The following ACYP2 variants were observed in gnomAD, a reference collection of about 807,000 sequenced individuals.
ACYP2 encodes the protein acylphosphatase-2.
A neutral mutation model predicts 11.2 loss-of-function variants in ACYP2; 12 were observed. That is an observed-to-expected ratio of 1.08 (90% CI 0.69 to 1.74). The LOEUF (loss-of-function observed/expected upper bound fraction) is 1.74, where lower values mean the gene tolerates loss of function less well. Ranked by LOEUF, ACYP2 falls within the 40% of genes most tolerant of loss-of-function variation. ACYP2 has a pLI of 0.00. For missense variants in ACYP2, 134 were observed against 101.9 expected, an observed-to-expected ratio of 1.31 and a Z score of -1.35; for synonymous variants, 43 against 32.2, an observed-to-expected ratio of 1.33 and a Z score of -1.13.
chr2:54,102,651 A>G (rs983719831), intron 4 of ACYP2, among the ~76,000 whole-genome samples: 2 of 74,374 alleles, frequency 2.7e-5, no homozygotes, highest in African/African-American at 3.5e-5. Flanking sequence ...AAAAAAAAAA[A>G]AAAAAAAAAA....
intron 6 of ACYP2, among the ~76,000 whole-genome samples, chr2:54,164,320 G>T (rs1046016786): frequency 1.3e-5 from 2 of 152,158 alleles, no homozygotes; most frequent in African/African-American, 2.4e-5. Flanking sequence ...GGATTTAACT[G>T]CCAGGCTTTT....
chr2:54,049,704 A>T (rs1675729514), intron 2 of ACYP2, among the ~76,000 whole-genome samples: 1 of 151,940 alleles, frequency 6.6e-6, no homozygotes, highest in Admixed American at 6.6e-5. Context: ...TTCAACCAGT[A>T]TTTTTTTTAA....
At chr2:53,972,133 C>A (rs1436224923) in intron 1 of ACYP2, among the ~76,000 whole-genome samples, 1 of 151,064 alleles carries the variant, frequency 6.6e-6, no homozygotes, top group Non-Finnish European at 1.5e-5. Context: ...CATGGTGAAA[C>A]CCCGTCTCTA....
chr2:54,038,607 C>T (rs1675036326), intron 2 of ACYP2, among the ~76,000 whole-genome samples: 2 of 137,980 alleles, frequency 1.4e-5, no homozygotes, highest in African/African-American at 5.4e-5. Flanking sequence ...TCTGTTTCAC[C>T]AGAACCTAAA....
At chr2:54,052,091 A>G (rs1319634067) in intron 3 of ACYP2, among the ~76,000 whole-genome samples, 1 of 148,256 alleles carries the variant, frequency 6.7e-6, no homozygotes, top group Non-Finnish European at 1.5e-5. Context: ...TAGAGGGAAG[A>G]GGAGGAAGAT....
intron 6 of ACYP2, among the ~76,000 whole-genome samples, chr2:54,145,582 TCAGACA>T (rs1681843256): frequency 6.6e-6 from 1 of 152,204 alleles, no homozygotes; most frequent in African/African-American, 2.4e-5. Flanking sequence ...CAGTATGCTT[TCAGACA>T]TTCTTGTTTC....
At chr2:54,084,663 C>T (rs1281022606) in intron 4 of ACYP2, 2 of 152,216 alleles carry the variant, frequency 1.3e-5, no homozygotes, top group African/African-American at 4.8e-5. Context: ...GTAAAAATCA[C>T]ATTCACAACC....
At chr2:54,253,413 C>T (rs1029219256) in intron 6 of ACYP2, 1 of 152,096 alleles carries the variant, frequency 6.6e-6, no homozygotes, top group African/African-American at 2.4e-5. Flanking sequence ...GCTGAATCTT[C>T]CCAGTAAACA....
chr2:54,255,006 C>T (rs779029567), intron 6 of ACYP2: 18 of 1,614,108 alleles, frequency 1.1e-5, no homozygotes, highest in Non-Finnish European at 1.5e-5. Context: ...CTTCACCCAA[C>T]AGGTAGTACT....
At chr2:53,979,562 G>A (rs1019190757) in intron 2 of ACYP2, among the ~76,000 whole-genome samples, 4 of 151,502 alleles carry the variant, frequency 2.6e-5, no homozygotes, top group Admixed American at 1.3e-4. Context: ...GGGAGGTGGA[G>A]GTTGCAGTGA....
intron 4 of ACYP2, among the ~76,000 whole-genome samples, chr2:54,101,431 G>C (rs1206269681): frequency 1.3e-5 from 2 of 152,090 alleles, no homozygotes; most frequent in Admixed American, 1.3e-4. Flanking sequence ...AGCACTTTGG[G>C]AGGCTGAGGT....
At chr2:54,221,705 G>C (rs1184032343) in intron 6 of ACYP2, among the ~76,000 whole-genome samples, 3 of 151,582 alleles carry the variant, frequency 2.0e-5, no homozygotes, top group Non-Finnish European at 4.4e-5. Flanking sequence ...ATTTTTAGTA[G>C]AGACAAGGTT....
At chr2:54,207,199 G>GTGTGTC (rs1558613439) in intron 6 of ACYP2, among the ~76,000 whole-genome samples, 309 of 151,560 alleles carry the variant, frequency 2.0e-3, no homozygotes, top group African/African-American at 7.3e-3. Flanking sequence ...GTGTGTGTGT[G>GTGTGTC]TGTGTGTATA....
chr2:54,086,463 G>T (rs1487263660), intron 4 of ACYP2, among the ~76,000 whole-genome samples: 1 of 152,322 alleles, frequency 6.6e-6, no homozygotes, highest in African/African-American at 2.4e-5. Flanking sequence ...TCACAAGCGG[G>T]TGTGGGAAGT....
chr2:54,128,889 G>A (rs74780910), intron 4 of ACYP2, among the ~76,000 whole-genome samples: 8,090 of 152,138 alleles, frequency 0.053, 437 homozygotes, highest in East Asian at 0.3. Flanking sequence ...TCAAAACACT[G>A]AGGGCAGATC....
At chr2:54,050,856 C>T in intron 2 of ACYP2, 1 of 373,632 alleles carries the variant, frequency 2.7e-6, no homozygotes, top group South Asian at 1.5e-4. Context: ...CTCACTGCAG[C>T]CTTGAACTCC....
chr2:54,029,689 C>T, intron 2 of ACYP2: 1 of 514,050 alleles, frequency 1.9e-6, no homozygotes, highest in Non-Finnish European at 3.7e-6. Flanking sequence ...TGCTTAATAC[C>T]CACGTTAATT....
intron 6 of ACYP2, among the ~76,000 whole-genome samples, chr2:54,180,199 G>C (rs1169223196): frequency 1.3e-5 from 2 of 152,150 alleles, no homozygotes; most frequent in Non-Finnish European, 2.9e-5. Flanking sequence ...GTCTCCAGGT[G>C]CTTAGCTATC....
intron 6 of ACYP2, among the ~76,000 whole-genome samples, chr2:54,235,777 T>C (rs1572972829): frequency 6.6e-6 from 1 of 152,320 alleles, no homozygotes; most frequent in East Asian, 1.9e-4. Context: ...GACTTTTTAA[T>C]TGACTGTATG....
Sources: gnomAD v4.1 joint callset for allele counts (sites outside exome capture counted in the v4.1 genomes callset) on GRCh38, gnomAD v4.1.1 for gene constraint, MANE v1.5 for transcripts, NCBI Gene and HGNC (gene_info 2026-07-23, HGNC 2026-07-21) for gene names.